Variants in PLPP4 observed in about 807,000 individuals in gnomAD.
PLPP4 encodes the protein diacylglycerol pyrophosphate like 2.
PLPP4 carries 20 observed loss-of-function variants against 32.2 expected under a neutral mutation model. The observed-to-expected ratio is 0.62, with a 90% CI of 0.44 to 0.90. PLPP4 has a LOEUF of 0.90. Ranked by LOEUF, PLPP4 falls within the 40% of genes least tolerant of loss-of-function variation. The probability of loss-of-function intolerance (pLI) is 0.00; values close to 1 mark genes in which losing one functional copy is unlikely to be tolerated. For missense variants in PLPP4, 257 were observed against 353.1 expected, an observed-to-expected ratio of 0.73 and a Z score of 2.18; for synonymous variants, 127 against 133.0, an observed-to-expected ratio of 0.95 and a Z score of 0.31.
intron 5 of PLPP4, among the ~76,000 whole-genome samples, chr10:120,531,014 A>G (rs545544571): frequency 2.6e-5 from 4 of 151,514 alleles, no homozygotes; most frequent in Admixed American, 6.6e-5. Context: ...ATAATTTTTC[A>G]TGCCTATTTT....
chr10:120,535,429 C>T (rs1027179622), intron 5 of PLPP4, among the ~76,000 whole-genome samples: 24 of 152,012 alleles, frequency 1.6e-4, no homozygotes, highest in African/African-American at 5.1e-4. Flanking sequence ...AATTTATTCT[C>T]CATCTGTTGG....
intron 6 of PLPP4, among the ~76,000 whole-genome samples, chr10:120,583,216 C>T (rs192249661): frequency 6.6e-6 from 1 of 151,640 alleles, no homozygotes; most frequent in Non-Finnish European, 1.5e-5. Flanking sequence ...TCTTCAGAAG[C>T]CTTTCTGCTT....
chr10:120,590,423 C>A lies in PLPP4; in HGVS notation c.*921C>A, dbSNP rs1849959971. On this transcript the variant is annotated 3_prime_UTR_variant, in exon 7 of 7. Coordinates refer to ENST00000398250, the MANE Select transcript of PLPP4 (RefSeq NM_001030059.3). ...GCTGAGAATTTTTCCCCTTTAGGAT[C>A]TGAGTTTTGCAGAGCTCTGCTCTAA... Among the ~76,000 whole-genome samples, 1 of 152,150 alleles carries A rather than the reference C, an allele frequency of 6.6e-6. No homozygotes were observed.
chr10:120,505,505 G>A (rs543259886), intron 2 of PLPP4, among the ~76,000 whole-genome samples: 1 of 152,200 alleles, frequency 6.6e-6, no homozygotes, highest in East Asian at 1.9e-4. Context: ...AGACACACCG[G>A]GAACATTTTT....
At chr10:120,567,659 ATGTTGTTGC>A (rs1564845094) in intron 5 of PLPP4, among the ~76,000 whole-genome samples, 1 of 151,506 alleles carries the variant, frequency 6.6e-6, no homozygotes, top group Non-Finnish European at 1.5e-5. Context: ...GGTTTTCTTC[ATGTTGTTGC>A]TGTTTGTTTG....
intron 5 of PLPP4, among the ~76,000 whole-genome samples, chr10:120,527,311 GA>G (rs1378538959): frequency 6.6e-6 from 1 of 151,898 alleles, no homozygotes; most frequent in African/African-American, 2.4e-5. Context: ...CAGCAGGCTG[GA>G]ACTCAGATAG....
At position 120,589,752 on chromosome 10, in the gene PLPP4, G is replaced by GC; in HGVS notation, c.*250_*251insC. The GC allele has an allele frequency of 4.3e-6, 2 of 467,398 alleles. No homozygotes were observed. Among genetic ancestry groups the GC allele is most frequent in the Admixed American group, 3.8e-5 (1 of 26,186 alleles). 29.0% of individuals were successfully genotyped at this position (467,398 alleles called of 1,614,324 possible). A position where few individuals can be genotyped will look rare whatever the true frequency, so the allele number is the denominator to read the frequency against. ...AAGAGGCTGTGAAGGTGGGGTTTGG[G>GC]GAGCTTGGCCGATTCGTCTATCTGA... On this transcript the variant is annotated 3_prime_UTR_variant, in exon 7 of 7. Coordinates refer to ENST00000398250, the MANE Select transcript of PLPP4 (RefSeq NM_001030059.3).
intron 5 of PLPP4, among the ~76,000 whole-genome samples, chr10:120,564,547 G>T (rs1848599013): frequency 6.6e-6 from 1 of 151,788 alleles, no homozygotes; most frequent in Admixed American, 6.6e-5. Flanking sequence ...TTCTTAATTT[G>T]TCAATAGCAA....
intron 1 of PLPP4, among the ~76,000 whole-genome samples, chr10:120,491,880 CAA>C (rs1005831566): frequency 2.0e-5 from 3 of 152,098 alleles, no homozygotes; most frequent in Non-Finnish European, 4.4e-5. Context: ...CAAAAAAACC[CAA>C]GTGATCTCCC....
At chr10:120,558,773 T>A (rs1848282290) in intron 5 of PLPP4, among the ~76,000 whole-genome samples, 1 of 151,386 alleles carries the variant, frequency 6.6e-6, no homozygotes, top group East Asian at 2.0e-4. Flanking sequence ...ATACCTCAAT[T>A]TAAAAAAAAT....
chr10:120,489,841 G>A (rs1265181130), intron 1 of PLPP4, among the ~76,000 whole-genome samples: 1 of 152,200 alleles, frequency 6.6e-6, no homozygotes, highest in Non-Finnish European at 1.5e-5. Context: ...AAAGATTCCA[G>A]GTGGCAGAGG....
chr10:120,490,516 T>C (rs1844669816), intron 1 of PLPP4, among the ~76,000 whole-genome samples: 1 of 152,244 alleles, frequency 6.6e-6, no homozygotes, highest in Non-Finnish European at 1.5e-5. Context: ...CAGAGCCTCA[T>C]TGAATGCTCA....
chr10:120,486,259 TAA>T (rs1844445860), intron 1 of PLPP4, among the ~76,000 whole-genome samples: 1 of 45,108 alleles, frequency 2.2e-5, no homozygotes, highest in Non-Finnish European at 4.5e-5. Context: ...CCATTTCATT[TAA>T]GTTTTTTTTT....
chr10:120,587,562 C>T (rs1025503184), intron 6 of PLPP4: 1 of 152,136 alleles, frequency 6.6e-6, no homozygotes, highest in African/African-American at 2.4e-5. Flanking sequence ...CTATTAGCTT[C>T]ATAGAAACTG....
Position 120,468,838 on chromosome 10 carries a change from C to T in PLPP4, c.56+11477C>T, listed in dbSNP as rs538883883. ...ATAAGTTTGTGTTTTCAAATGTGATCGGCTGCTCAGGTGGAATAGTAAATG... is the reference window on the plus strand; with the variant it reads ...ATAAGTTTGTGTTTTCAAATGTGATTGGCTGCTCAGGTGGAATAGTAAATG... On this transcript the variant is annotated intron_variant, in intron 1 of 6. Transcript: ENST00000398250. Among the ~76,000 whole-genome samples, 4 of 64,932 alleles carry T rather than the reference C, an allele frequency of 6.2e-5. 1 individual carries two copies. The highest frequency in any genetic ancestry group is 9.0e-5 in the Non-Finnish European group (2 of 22,280). The allele number at this position is 64,932 out of a possible 152,430, so 42.6% of individuals were successfully genotyped here.
intron 5 of PLPP4, among the ~76,000 whole-genome samples, chr10:120,547,117 A>G (rs1209760275): frequency 1.3e-5 from 2 of 152,146 alleles, no homozygotes; most frequent in African/African-American, 4.8e-5. Context: ...TTTAAGAATG[A>G]TGAACATAGA....
At chr10:120,532,613 C>T (rs191913259) in intron 5 of PLPP4, among the ~76,000 whole-genome samples, 7 of 152,252 alleles carry the variant, frequency 4.6e-5, no homozygotes, top group Admixed American at 3.3e-4. Context: ...TCCATTAGCT[C>T]TCTCCCTCCA....
chr10:120,572,963 A>C (rs1300056138), intron 5 of PLPP4, among the ~76,000 whole-genome samples: 1 of 152,220 alleles, frequency 6.6e-6, no homozygotes, highest in Non-Finnish European at 1.5e-5. Context: ...AGAATACTTA[A>C]TATCTATTGG....
At chr10:120,484,322 G>A (rs1401308946) in intron 1 of PLPP4, among the ~76,000 whole-genome samples, 1 of 152,164 alleles carries the variant, frequency 6.6e-6, no homozygotes, top group African/African-American at 2.4e-5. Context: ...GTCTTAGTCT[G>A]TTTTATGCTG....
Sources: gnomAD v4.1 joint callset for allele counts (sites outside exome capture counted in the v4.1 genomes callset) on GRCh38, gnomAD v4.1.1 for gene constraint, MANE v1.5 for transcripts, NCBI Gene and HGNC (gene_info 2026-07-23, HGNC 2026-07-21) for gene names.